Variants in CCND2 observed in about 807,000 individuals in gnomAD.
CCND2 encodes G1/S-specific cyclin-D2.
A neutral mutation model predicts 30.2 loss-of-function variants in CCND2; 6 were observed. The ratio of observed to expected loss-of-function variants is 0.20; its 90% CI spans 0.11 to 0.39. CCND2 has a LOEUF of 0.39. Ranked by LOEUF, CCND2 falls within the 10% of genes least tolerant of loss-of-function variation. CCND2 has a pLI of 1.00. For synonymous variants in CCND2, 150 were observed against 153.1 expected, an observed-to-expected ratio of 0.98 and a Z score of 0.15; for missense variants, 235 against 373.4, an observed-to-expected ratio of 0.63 and a Z score of 3.06.
At chr12:4,291,841 G>A (rs1488750018) in intron 4 of CCND2, among the ~76,000 whole-genome samples, 1 of 152,126 alleles carries the variant, frequency 6.6e-6, no homozygotes, top group Non-Finnish European at 1.5e-5. Context: ...TAAGTGAAAC[G>A]AGCCAGACAC....
At chr12:4,275,700 A>C (rs1420700347) in intron 1 of CCND2, among the ~76,000 whole-genome samples, 2 of 149,416 alleles carry the variant, frequency 1.3e-5, no homozygotes, top group Non-Finnish European at 3.0e-5. Flanking sequence ...AGGAGTAGCC[A>C]AAGGGAGCGT....
rs3217921 is a variant in CCND2 at position 4,299,941 on chromosome 12, G to C, written c.802G>C (p.Gly268Arg). The change falls in exon 5 of 5, where the codon GGA becomes CGA. Residue 268 changes from glycine to arginine, a missense_variant. Gly to Arg is a moderately radical substitution (Grantham distance 125). Transcript: ENST00000261254. The surrounding 1 kb of genome is among the most constrained non-coding windows in gnomAD (Gnocchi z 5.2). ...GCAGTACCGTCAGGACCAACGTGAC[G>C]GATCCAAGTCGGAGGATGAACTGGA... ...LQQYRQDQRD[G>R]SKSEDELDQA... 1.8e-5 allele frequency: 29 copies of C among 1,614,028 alleles called. No individual in the cohort carries two copies. Among genetic ancestry groups the C allele is most frequent in the Non-Finnish European group, 2.0e-5 (24 of 1,180,032 alleles).
chr12:4,290,214 C>T (rs779273391), intron 4 of CCND2, among the ~76,000 whole-genome samples: 1 of 152,326 alleles, frequency 6.6e-6, no homozygotes, highest in East Asian at 1.9e-4. Context: ...TGGATTTTCC[C>T]TGGCATTTGT....
intron 4 of CCND2, among the ~76,000 whole-genome samples, chr12:4,294,548 G>T (rs1864141848): frequency 6.6e-6 from 1 of 152,128 alleles, no homozygotes; most frequent in African/African-American, 2.4e-5. Context: ...CTTGGGCTCT[G>T]TCTCTTTTTC....
intron 4 of CCND2, among the ~76,000 whole-genome samples, chr12:4,298,483 G>T (rs3217914): frequency 7.2e-5 from 11 of 152,176 alleles, no homozygotes; most frequent in Admixed American, 7.2e-4. Flanking sequence ...CCTGGTTTCA[G>T]CTTCCCGCCT....
chr12:4,281,165 C>A (rs893229935), intron 3 of CCND2, among the ~76,000 whole-genome samples: 4 of 152,156 alleles, frequency 2.6e-5, no homozygotes, highest in Non-Finnish European at 5.9e-5. Flanking sequence ...AAGCCTCAGG[C>A]GTTGACAGGG....
At position 4,299,989 on chromosome 12, in the gene CCND2, G is replaced by A. The variant is rs746964971; in HGVS notation, c.850G>A (p.Val284Met). ...ELDQASTPTD[V>M]RDIDL ...GGACCAAGCCAGCACCCCTACAGAC[G>A]TGCGGGATATCGACCTGTGAGGATG... Residue 284 changes from valine to methionine, a missense_variant, in exon 5 of 5, where the codon GTG becomes ATG. By Grantham distance (21) the Val-to-Met change is conservative. Around this residue, in one of 2 missense-constraint regions of CCND2, gnomAD observed 57 missense variants for 50.7 expected, o/e 1.12. Coordinates refer to ENST00000261254, the MANE Select transcript of CCND2 (RefSeq NM_001759.4). This position sits in a 1 kb window ranked among gnomAD's most constrained non-coding sequence, Gnocchi z 5.2. The A allele has an allele frequency of 3.2e-5, 51 of 1,613,886 alleles. No individual in the cohort carries two copies. Among genetic ancestry groups the A allele is most frequent in the Non-Finnish European group, 3.9e-5 (46 of 1,179,940 alleles).
chr12:4,290,319 C>T (rs549937649), intron 4 of CCND2, among the ~76,000 whole-genome samples: 1 of 152,208 alleles, frequency 6.6e-6, no homozygotes, highest in Non-Finnish European at 1.5e-5. Context: ...AAAATGCGGG[C>T]TCCAAACATA....
At chr12:4,289,417 G>A (rs1218756934) in intron 4 of CCND2, among the ~76,000 whole-genome samples, 1 of 152,166 alleles carries the variant, frequency 6.6e-6, no homozygotes, top group Non-Finnish European at 1.5e-5. Context: ...TGCAGTGGAT[G>A]GAGCAGACAC....
chr12:4,300,280 A>T lies in CCND2; in HGVS notation c.*271A>T, dbSNP rs1864231764. 1 of 364,416 alleles carries T rather than the reference A, an allele frequency of 2.7e-6. No homozygotes were observed. The highest frequency in any genetic ancestry group is 4.1e-5 in the Admixed American group (1 of 24,276). The allele number at this position is 364,416 out of a possible 1,614,324, so 22.6% of individuals were successfully genotyped here. ...GTTTGATTATGTAAAAGTAATAGTAAAATGCTTACAGGAAAACCTGCAGAG... is the reference window on the plus strand; with the variant it reads ...GTTTGATTATGTAAAAGTAATAGTATAATGCTTACAGGAAAACCTGCAGAG... On this transcript the variant is annotated 3_prime_UTR_variant, in exon 5 of 5. Coordinates refer to ENST00000261254, the MANE Select transcript of CCND2 (RefSeq NM_001759.4).
Position 4,301,559 on chromosome 12 carries a change from T to A in CCND2, c.*1550T>A, listed in dbSNP as rs533412412. 1.3e-5 allele frequency: 3 copies of A among 230,402 alleles called. No individual in the cohort carries two copies. Among genetic ancestry groups the A allele is most frequent in the African/African-American group, 4.5e-5 (2 of 44,592 alleles). The allele number at this position is 230,402 out of a possible 1,614,324, so 14.3% of individuals were successfully genotyped here. ...TGCCTTTTTAAGTAAAAAAGAAAAA[T>A]CAGAACAGGGCTATTTGAAGAATTA... On this transcript the variant is annotated 3_prime_UTR_variant, in exon 5 of 5. Coordinates refer to ENST00000261254, the MANE Select transcript of CCND2 (RefSeq NM_001759.4).
At chr12:4,291,007 T>G (rs765745564) in intron 4 of CCND2, among the ~76,000 whole-genome samples, 2 of 152,174 alleles carry the variant, frequency 1.3e-5, no homozygotes, top group African/African-American at 2.4e-5. Context: ...TGTGCCTCAT[T>G]CACACCGGTG....
In CCND2 at chr12:4,274,367, C is replaced by T. The variant is rs1591642908; in HGVS notation, c.195+132C>T. 2 of 905,202 alleles carry T rather than the reference C, an allele frequency of 2.2e-6. No individual in the cohort carries two copies. Among genetic ancestry groups the T allele is most frequent in the African/African-American group, 1.7e-5 (1 of 59,912 alleles). 56.1% of individuals were successfully genotyped at this position (905,202 alleles called of 1,614,324 possible). On this transcript the variant is annotated intron_variant, in intron 1 of 4. Coordinates refer to ENST00000261254, the MANE Select transcript of CCND2 (RefSeq NM_001759.4). This position sits in a 1 kb window ranked among gnomAD's most constrained non-coding sequence, Gnocchi z 7.7. ...GGCTCCTGTGCGGGAGTTTACCGCG[C>T]GCCTTCTGGCGAGACGCGTGGCTTT...
At chr12:4,290,944 ACC>A (rs1565436046) in intron 4 of CCND2, among the ~76,000 whole-genome samples, 1 of 152,038 alleles carries the variant, frequency 6.6e-6, no homozygotes, top group Non-Finnish European at 1.5e-5. Flanking sequence ...TCAAGTTGAT[ACC>A]TCATTTCTAT....
At position 4,300,448 on chromosome 12, in the gene CCND2, A is replaced by G; in HGVS notation, c.*439A>G. 4.2e-6 allele frequency: 1 copy of G among 236,604 alleles called. No homozygotes were observed. Among genetic ancestry groups the G allele is most frequent in the East Asian group, 6.0e-5 (1 of 16,654 alleles). 14.7% of individuals were successfully genotyped at this position (236,604 alleles called of 1,614,324 possible). A position where few individuals can be genotyped will look rare whatever the true frequency, so the allele number is the denominator to read the frequency against. On this transcript the variant is annotated 3_prime_UTR_variant, in exon 5 of 5. Transcript: ENST00000261254. ...CCATTTATGGCATGATTAGATTGCA[A>G]AGCAATGAACTCAAGAAGGAATTGA...
chr12:4,291,409 G>C (rs116108514), intron 4 of CCND2, among the ~76,000 whole-genome samples: 1 of 152,060 alleles, frequency 6.6e-6, no homozygotes, highest in Non-Finnish European at 1.5e-5. Context: ...GTCACGAAGT[G>C]GTGTATTTCC....
In CCND2 at chr12:4,301,581, A is replaced by G. The variant is rs1402951222; in HGVS notation, c.*1572A>G. ...AAATCAGAACAGGGCTATTTGAAGA[A>G]TTATTTTATACACAGATTCTGCCTT... On this transcript the variant is annotated 3_prime_UTR_variant, in exon 5 of 5. Transcript: ENST00000261254. 1 of 232,122 alleles carries G rather than the reference A, an allele frequency of 4.3e-6. No homozygotes were observed. Among genetic ancestry groups the G allele is most frequent in the Non-Finnish European group, 8.5e-6 (1 of 117,460 alleles). 14.4% of individuals were successfully genotyped at this position (232,122 alleles called of 1,614,324 possible).
In CCND2 at chr12:4,290,566, G is replaced by C. The variant is rs558319639; in HGVS notation, c.720+1576G>C. Among the ~76,000 whole-genome samples the C allele has an allele frequency of 8.7e-5, 12 of 137,568 alleles. No individual in the cohort carries two copies. In the East Asian group the frequency reaches 1.7e-3, roughly 20 times the overall value. The allele number at this position is 137,568 out of a possible 152,430, so 90.2% of individuals were successfully genotyped here. On this transcript the variant is annotated intron_variant, in intron 4 of 4. Transcript: ENST00000261254. ...CTGGAGACAAAAATGTCAGTGACAG[G>C]AGTTGGAAGCGGCCACCCCCCTCCT...
chr12:4,290,587 C>T (rs1864086770), intron 4 of CCND2, among the ~76,000 whole-genome samples: 1 of 150,614 alleles, frequency 6.6e-6, no homozygotes, highest in Non-Finnish European at 1.5e-5. Flanking sequence ...GGCCACCCCC[C>T]TCCTCCTGCC....
Sources: gnomAD v4.1 joint callset for allele counts (sites outside exome capture counted in the v4.1 genomes callset) on GRCh38, gnomAD v4.1.1 for gene constraint, gnomAD v4.1.1 regional missense constraint, Gnocchi (gnomAD v3.1) non-coding constraint, MANE v1.5 for transcripts, NCBI Gene and HGNC (gene_info 2026-07-23, HGNC 2026-07-21) for gene names.